The following ERBIN variants were observed in gnomAD, a reference collection of about 807,000 sequenced individuals.
The protein encoded by ERBIN is erbb2 interacting protein, also known as densin-180-like protein.
Under a neutral mutation model 158.4 loss-of-function variants are expected in ERBIN, and 60 were observed. The ratio of observed to expected loss-of-function variants is 0.38; its 90% CI spans 0.31 to 0.47. The LOEUF is 0.47. Ranked by LOEUF, ERBIN falls within the 20% of genes least tolerant of loss-of-function variation. The pLI, the probability that ERBIN is intolerant of heterozygous loss-of-function variation, is 0.99. For missense variants in ERBIN, 1,610 were observed against 1,648.0 expected, an observed-to-expected ratio of 0.98 and a Z score of 0.40; for synonymous variants, 594 against 557.2, an observed-to-expected ratio of 1.07 and a Z score of -0.93.
Position 66,018,492 on chromosome 5 carries a change from T to TA in ERBIN, c.534-2830_534-2829insA, listed in dbSNP as rs1331154080. ...TATATATTATATATTATATATTATA[T>TA]TATATAATATATATTATATATTATA... On this transcript the variant is annotated intron_variant, in intron 7 of 25. Transcript: ENST00000284037. Among the ~76,000 whole-genome samples the TA allele has an allele frequency of 4.8e-4, 4 of 8,390 alleles. 1 individual carries two copies. The highest frequency in any genetic ancestry group is 9.4e-4 in the Non-Finnish European group (4 of 4,250). 5.5% of individuals were successfully genotyped at this position (8,390 alleles called of 152,430 possible).
At chr5:65,987,849 A>G (rs1277094225) in intron 1 of ERBIN, among the ~76,000 whole-genome samples, 1 of 151,536 alleles carries the variant, frequency 6.6e-6, no homozygotes, top group Non-Finnish European at 1.5e-5. Flanking sequence ...CTCCAAAAAA[A>G]AAAAAAAAAA....
chr5:66,038,523 C>A, intron 15 of ERBIN, 41 bp downstream of exon 15: 2 of 1,456,706 alleles, frequency 1.4e-6, no homozygotes, highest in Non-Finnish European at 1.9e-6. Context: ...AAAACAAATA[C>A]TAATTTAAAA....
chr5:65,964,818 C>G (rs1256544899), intron 1 of ERBIN, among the ~76,000 whole-genome samples: 1 of 148,230 alleles, frequency 6.7e-6, no homozygotes, highest in Non-Finnish European at 1.5e-5. Flanking sequence ...TCTCCGCTCA[C>G]TACAACCTCT....
At chr5:66,044,417 C>T in intron 17 of ERBIN, 107 bp downstream of exon 17, 2 of 1,021,506 alleles carry the variant, frequency 2.0e-6, no homozygotes, top group Non-Finnish European at 2.8e-6. Flanking sequence ...CAGTCATGCA[C>T]CACAGAATGA....
In ERBIN at chr5:65,961,381, A is replaced by T. The variant is rs80287140; in HGVS notation, c.-57-27254A>T. 8 of 152,318 alleles carry T rather than the reference A, an allele frequency of 5.3e-5. No individual in the cohort carries two copies. The East Asian group carries it at 1.3e-3, about 26-fold the overall frequency. 9.4% of individuals were successfully genotyped at this position (152,318 alleles called of 1,614,324 possible). A position where few individuals can be genotyped will look rare whatever the true frequency, so the allele number is the denominator to read the frequency against. ...TTTATTTATATCGTTTTCCCATCAG[A>T]GTTAATATTTGTAAATTATACTTCC... On this transcript the variant is annotated intron_variant, in intron 1 of 25. Transcript: ENST00000284037.
chr5:65,979,980 C>T (rs1252575394), intron 1 of ERBIN, among the ~76,000 whole-genome samples: 1 of 151,892 alleles, frequency 6.6e-6, no homozygotes, highest in East Asian at 1.9e-4. Flanking sequence ...TGAAAATGGG[C>T]TATGATGAAT....
intron 1 of ERBIN, among the ~76,000 whole-genome samples, chr5:65,940,984 C>T (rs1251457519): frequency 1.3e-5 from 2 of 152,138 alleles, no homozygotes; most frequent in Non-Finnish European, 2.9e-5. Context: ...AAAAATTCTT[C>T]TGCCTTGTGA....
At chr5:66,001,702 C>A (rs1003031123) in intron 4 of ERBIN, among the ~76,000 whole-genome samples, 1 of 152,102 alleles carries the variant, frequency 6.6e-6, no homozygotes, top group Admixed American at 6.5e-5. Context: ...CTTTTACAGT[C>A]TATGATAAAA....
rs759126759 is a variant in ERBIN at position 66,075,185 on chromosome 5, G to T, written c.3918G>T (p.Gln1306His). The T allele has an allele frequency of 6.2e-7, 1 of 1,614,028 alleles. No individual in the cohort carries two copies. The highest frequency in any genetic ancestry group is 1.3e-5 in the African/African-American group (1 of 74,916). Residue 1306 changes from glutamine (Q) to histidine (H), a missense_variant, in exon 23 of 26, where the codon CAG (glutamine) becomes CAT (histidine). By Grantham distance (24) the Gln-to-His change is conservative. This residue lies in a region of ERBIN where 1,014 missense variants were observed against 936.1 expected (regional missense o/e 1.08). Transcript: ENST00000284037. ...TGGCCCACCAGCCTCCATATACACA[G>T]CCCCATTGTTCTCCTAGACAAGGCC... ...LKVAHQPPYTQPHCSPRQGHE... is the reference protein window; with the variant it reads ...LKVAHQPPYTHPHCSPRQGHE...
rs1326607032 is a variant in ERBIN at position 66,072,213 on chromosome 5, T to C, written c.3678T>C (p.Gly1226=). The C allele has an allele frequency of 6.4e-7, 1 of 1,550,416 alleles. No individual in the cohort carries two copies. The highest frequency in any genetic ancestry group is 2.0e-5 in the Admixed American group (1 of 50,994). The change falls in exon 22 of 26, where the codon GGT becomes GGC. Residue 1226 remains glycine (G), a synonymous_variant. Transcript: ENST00000284037. ...GTTCAGGAGATCCTTGTCAAGATGGTATATTCATTTCAGGACAGCAGAACT... is the reference window on the plus strand; with the variant it reads ...GTTCAGGAGATCCTTGTCAAGATGGCATATTCATTTCAGGACAGCAGAACT... ...TSSSGDPCQD[G]IFISGQQNYS... is the part of the protein sequence containing the mutation.
intron 23 of ERBIN, among the ~76,000 whole-genome samples, chr5:66,075,721 A>G (rs879671133): frequency 1.3e-5 from 2 of 152,132 alleles, no homozygotes; most frequent in Admixed American, 1.3e-4. Flanking sequence ...TGCTTTATTC[A>G]TTTTGGTTGT....
intron 1 of ERBIN, among the ~76,000 whole-genome samples, chr5:65,955,554 T>C (rs1433918379): frequency 6.6e-6 from 1 of 152,168 alleles, no homozygotes; most frequent in Non-Finnish European, 1.5e-5. Context: ...CGCTTGAACC[T>C]GGGAGGCAGA....
At chr5:65,950,950 C>CT (rs1746429498) in intron 1 of ERBIN, among the ~76,000 whole-genome samples, 2 of 152,112 alleles carry the variant, frequency 1.3e-5, no homozygotes, top group Non-Finnish European at 2.9e-5. Context: ...TCACTTTACA[C>CT]TTTTGAAATT....
intron 1 of ERBIN, among the ~76,000 whole-genome samples, chr5:65,984,079 A>T (rs1341732932): frequency 6.6e-6 from 1 of 151,040 alleles, no homozygotes; most frequent in Non-Finnish European, 1.5e-5. Context: ...TTTCTGGGAA[A>T]TAGTGGACCA....
At chr5:66,033,923 A>G (rs192169981) in intron 14 of ERBIN, among the ~76,000 whole-genome samples, 2 of 152,120 alleles carry the variant, frequency 1.3e-5, no homozygotes, top group African/African-American at 4.8e-5. Context: ...AGCCTGACCA[A>G]TATGGGGAAA....
At chr5:65,929,637 C>CTTT (rs762687200) in intron 1 of ERBIN, among the ~76,000 whole-genome samples, 14 of 121,652 alleles carry the variant, frequency 1.2e-4, no homozygotes, top group African/African-American at 2.0e-4. Flanking sequence ...GTCTTTTCCT[C>CTTT]TTTTTTTTTT....
chr5:65,969,167 C>T (rs1332833821), intron 1 of ERBIN, among the ~76,000 whole-genome samples: 1 of 152,068 alleles, frequency 6.6e-6, no homozygotes, highest in Non-Finnish European at 1.5e-5. Flanking sequence ...ACAAGCATGC[C>T]AGCAAGCCAT....
intron 22 of ERBIN, among the ~76,000 whole-genome samples, chr5:66,074,096 C>T (rs1053832160): frequency 3.0e-5 from 4 of 134,636 alleles, no homozygotes; most frequent in Non-Finnish European, 4.6e-5. Context: ...TGCTGTTTTG[C>T]CCAGGCTGAT....
At chr5:66,026,256 C>A in intron 12 of ERBIN, 46 bp from the exon 13 acceptor site, 1 of 1,282,360 alleles carries the variant, frequency 7.8e-7, no homozygotes, top group Non-Finnish European at 1.1e-6. Flanking sequence ...TGTTGATCAA[C>A]CTGTAGGCCA....
Sources: gnomAD v4.1 joint callset for allele counts (sites outside exome capture counted in the v4.1 genomes callset) on GRCh38, gnomAD v4.1.1 for gene constraint, gnomAD v4.1.1 regional missense constraint, MANE v1.5 for transcripts, NCBI Gene and HGNC (gene_info 2026-07-23, HGNC 2026-07-21) for gene names.